ADCY1: variants seen among roughly 807,000 people sequenced by gnomAD.
ADCY1 encodes the protein adenylate cyclase type 1.
ADCY1 carries 28 observed loss-of-function variants against 105.4 expected under a neutral mutation model. That is an observed-to-expected ratio of 0.27 (90% CI 0.20 to 0.36). The LOEUF is 0.36. Among genes scored for constraint, ADCY1 ranks in the 10% least tolerant of loss-of-function variants. The pLI is 1.00. For missense variants in ADCY1, 977 were observed against 1,434.2 expected (o/e 0.68, Z 5.15); for synonymous variants, 655 against 623.8 (o/e 1.05, Z -0.75).
At chr7:45,701,561 T>A (rs188759291) in intron 14 of ADCY1, among the ~76,000 whole-genome samples, 6 of 152,380 alleles carry the variant, frequency 3.9e-5, no homozygotes, top group Non-Finnish European at 5.9e-5. Context: ...AACAAAGCTA[T>A]TATTTTAGAA....
intron 1 of ADCY1, among the ~76,000 whole-genome samples, chr7:45,586,734 G>A (rs62459976): frequency 2.0e-5 from 3 of 152,204 alleles, no homozygotes; most frequent in Non-Finnish European, 4.4e-5. Context: ...CTCAGTCAGG[G>A]AGGGGGACAG....
At chr7:45,620,777 ATG>A (rs1027239829) in intron 3 of ADCY1, among the ~76,000 whole-genome samples, 62 of 152,336 alleles carry the variant, frequency 4.1e-4, no homozygotes, top group African/African-American at 1.4e-3. Flanking sequence ...AGGCAGTGGA[ATG>A]GCATGTTCAA....
chr7:45,673,717 T>C (rs2461111), intron 8 of ADCY1, among the ~76,000 whole-genome samples: 106,263 of 151,664 alleles, frequency 0.7, 39,400 homozygotes, highest in South Asian at 0.84. Flanking sequence ...GAACCAACTT[T>C]TGGTTTCATT....
chr7:45,659,963 C>G, intron 6 of ADCY1, 79 bp from the exon 7 acceptor site: 1 of 1,569,424 alleles, frequency 6.4e-7, no homozygotes, highest in South Asian at 1.2e-5. Flanking sequence ...GTCTGTGCCC[C>G]TTCCCCTCTG....
At chr7:45,652,165 C>T (rs1794827786) in intron 5 of ADCY1, among the ~76,000 whole-genome samples, 1 of 152,198 alleles carries the variant, frequency 6.6e-6, no homozygotes, top group African/African-American at 2.4e-5. Context: ...TGAGAATTCA[C>T]TCACTATCAT....
At chr7:45,638,775 T>C (rs1380959410) in intron 4 of ADCY1, among the ~76,000 whole-genome samples, 1 of 152,066 alleles carries the variant, frequency 6.6e-6, no homozygotes, top group Non-Finnish European at 1.5e-5. Context: ...TTGGTCTCCA[T>C]AGGGGCATTA....
rs1336478200 is a variant in ADCY1, at chr7:45,575,648, A to G, written c.639+466A>G. ...AGAGCGCGTGCTGGGCTCGCCTCCC[A>G]ACCCTGCGGACCCGAGGGTGGTATA... On this transcript the variant is annotated intron_variant, in intron 1 of 19. Coordinates refer to ENST00000297323, the MANE Select transcript of ADCY1 (RefSeq NM_021116.4). The surrounding 1 kb of genome is among the most constrained non-coding windows in gnomAD (Gnocchi z 4.7). Among the ~76,000 whole-genome samples, 5 of 152,244 alleles carry G rather than the reference A, an allele frequency of 3.3e-5. No individual in the cohort carries two copies. The South Asian group carries it at 8.3e-4, about 25-fold the overall frequency.
intron 14 of ADCY1, among the ~76,000 whole-genome samples, chr7:45,699,135 A>G (rs1403899806): frequency 3.3e-5 from 5 of 152,228 alleles, no homozygotes; most frequent in African/African-American, 1.2e-4. Flanking sequence ...TGCTGGGCTC[A>G]GCCTGGACAT....
At chr7:45,656,218 G>A (rs1794939210) in intron 5 of ADCY1, among the ~76,000 whole-genome samples, 1 of 152,032 alleles carries the variant, frequency 6.6e-6, no homozygotes, top group Non-Finnish European at 1.5e-5. Context: ...CAGGAGAATG[G>A]TGTGAACCCG....
intron 3 of ADCY1, among the ~76,000 whole-genome samples, chr7:45,613,741 A>G (rs1037073790): frequency 6.6e-6 from 1 of 152,214 alleles, no homozygotes; most frequent in African/African-American, 2.4e-5. Context: ...CTCAAAAGCC[A>G]AGGACAAAGG....
chr7:45,644,205 A>G (rs9639925), intron 4 of ADCY1, among the ~76,000 whole-genome samples: 61,344 of 151,852 alleles, frequency 0.4, 12,819 homozygotes, highest in East Asian at 0.71. Context: ...CGAGTCCATG[A>G]CCTCTCTGGA....
intron 11 of ADCY1, among the ~76,000 whole-genome samples, chr7:45,683,146 C>T (rs1350319006): frequency 1.3e-5 from 2 of 152,146 alleles, no homozygotes; most frequent in African/African-American, 4.8e-5. Context: ...TTGAATTCTC[C>T]GCTGCTTAGG....
intron 14 of ADCY1, among the ~76,000 whole-genome samples, chr7:45,697,734 A>G (rs1562728770): frequency 6.6e-6 from 1 of 152,178 alleles, no homozygotes; most frequent in Non-Finnish European, 1.5e-5. Context: ...TTCCTGTCTG[A>G]AACACTGGAC....
In ADCY1 at chr7:45,574,844, C is replaced by T. The variant is rs920241690; in HGVS notation, c.301C>T (p.Leu101Phe). The T allele has an allele frequency of 5.0e-6, 8 of 1,611,022 alleles. No homozygotes were observed. The African/African-American group carries it at 9.4e-5, about 19-fold the overall frequency. The change falls in exon 1 of 20, where the codon CTC becomes TTC. Residue 101 changes from leucine (L) to phenylalanine (F), a missense_variant. By Grantham distance (22) the Leu-to-Phe change is conservative. Coordinates refer to ENST00000297323, the MANE Select transcript of ADCY1 (RefSeq NM_021116.4). The surrounding 1 kb of genome is among the most constrained non-coding windows in gnomAD (Gnocchi z 7.0). Reference protein sequence around the residue: ...AKGSHPVHCVLFLALLVVTNV... With the variant: ...AKGSHPVHCVFFLALLVVTNV... ...GGGCTCACACCCGGTGCACTGCGTC[C>T]TCTTCCTGGCGCTGCTCGTGGTAAC...
At chr7:45,610,545 G>C (rs1224088460) in intron 3 of ADCY1, 48 bp downstream of exon 3, 1 of 1,528,618 alleles carries the variant, frequency 6.5e-7, no homozygotes, top group African/African-American at 1.4e-5. Flanking sequence ...GGAAGCTGAG[G>C]TGTGGAGATA....
intron 4 of ADCY1, among the ~76,000 whole-genome samples, chr7:45,626,029 G>A (rs953559463): frequency 1.3e-5 from 2 of 152,214 alleles, no homozygotes; most frequent in African/African-American, 2.4e-5. Flanking sequence ...CTAGAGGCTT[G>A]GTGGCTCTGG....
At chr7:45,662,535 G>C (rs1023045060) in intron 8 of ADCY1, among the ~76,000 whole-genome samples, 1 of 152,204 alleles carries the variant, frequency 6.6e-6, no homozygotes, top group African/African-American at 2.4e-5. Context: ...AGATGTGCTA[G>C]GCCCTCCCTC....
At chr7:45,668,376 A>G (rs1298667883) in intron 8 of ADCY1, among the ~76,000 whole-genome samples, 1 of 152,172 alleles carries the variant, frequency 6.6e-6, no homozygotes, top group Non-Finnish European at 1.5e-5. Context: ...TTCTGCATCT[A>G]TTGAGATAAT....
intron 1 of ADCY1, among the ~76,000 whole-genome samples, chr7:45,586,161 C>T (rs1792716225): frequency 6.6e-6 from 1 of 152,050 alleles, no homozygotes; most frequent in African/African-American, 2.4e-5. Flanking sequence ...AAGCTGACCT[C>T]GCGAGTGTGC....
Sources: gnomAD v4.1 joint callset for allele counts (sites outside exome capture counted in the v4.1 genomes callset) on GRCh38, gnomAD v4.1.1 for gene constraint, Gnocchi (gnomAD v3.1) non-coding constraint, MANE v1.5 for transcripts, NCBI Gene and HGNC (gene_info 2026-07-23, HGNC 2026-07-21) for gene names.